KCND3: variants seen among roughly 807,000 people sequenced by gnomAD.
KCND3 encodes the protein A-type voltage-gated potassium channel KCND3.
A neutral mutation model predicts 51.1 loss-of-function variants in KCND3; 9 were observed. The ratio of observed to expected loss-of-function variants is 0.18; its 90% CI spans 0.11 to 0.31. The LOEUF (loss-of-function observed/expected upper bound fraction) is 0.31, where lower values mean the gene tolerates loss of function less well. KCND3 is among the 10% of genes least tolerant of loss of function. The pLI, the probability that KCND3 is intolerant of heterozygous loss-of-function variation, is 1.00. For missense variants in KCND3, 526 were observed against 903.8 expected, an observed-to-expected ratio of 0.58 and a Z score of 5.36; for synonymous variants, 349 against 368.0, an observed-to-expected ratio of 0.95 and a Z score of 0.59.
At chr1:111,853,321 T>G (rs1433362120) in intron 2 of KCND3, among the ~76,000 whole-genome samples, 2 of 152,192 alleles carry the variant, frequency 1.3e-5, no homozygotes, top group Non-Finnish European at 2.9e-5. Context: ...CGTTCTGGTG[T>G]GAGGATTAAA....
At chr1:111,877,596 C>T (rs377368313) in intron 2 of KCND3, among the ~76,000 whole-genome samples, 4 of 152,010 alleles carry the variant, frequency 2.6e-5, no homozygotes, top group African/African-American at 9.7e-5. Flanking sequence ...GGTTCTATCT[C>T]GTGCCACAAG....
At chr1:111,851,492 C>T (rs1045395663) in intron 2 of KCND3, among the ~76,000 whole-genome samples, 1 of 152,164 alleles carries the variant, frequency 6.6e-6, no homozygotes, top group Non-Finnish European at 1.5e-5. Context: ...CTCCCTTCTG[C>T]CCCAAAACTC....
Position 111,771,155 on chromosome 1 carries a change from T to C in KCND3, c.*4922A>G, listed in dbSNP as rs1663896843. On this transcript the variant is annotated 3_prime_UTR_variant, in exon 8 of 8. Transcript: ENST00000302127. ...TAGTTGAGTAACCTGCTAAGATAAATGTCATTCCCACACTTGAGAAAAAAC... is the reference window on the plus strand; with the variant it reads ...TAGTTGAGTAACCTGCTAAGATAAACGTCATTCCCACACTTGAGAAAAAAC... 6.6e-6 allele frequency: 1 copy of C among 152,152 alleles called. No homozygotes were observed. Among genetic ancestry groups the C allele is most frequent in the South Asian group, 2.1e-4 (1 of 4,832 alleles). The allele number at this position is 152,152 out of a possible 1,614,324, so 9.4% of individuals were successfully genotyped here. A position where few individuals can be genotyped will look rare whatever the true frequency, so the allele number is the denominator to read the frequency against.
chr1:111,798,326 C>T (rs1665149400), intron 2 of KCND3, among the ~76,000 whole-genome samples: 1 of 152,180 alleles, frequency 6.6e-6, no homozygotes, highest in East Asian at 1.9e-4. Flanking sequence ...AACTCAGACT[C>T]ATCTTTCCAG....
Position 111,774,586 on chromosome 1 carries a change from C to G in KCND3, c.*1491G>C, listed in dbSNP as rs1373232011. Reference sequence around the variant, plus strand: ...GCACAGAGGTGATGAGGCTTCTCCCCCATTTCAGCATCTTCAGGGAGATCA... The same window carrying G: ...GCACAGAGGTGATGAGGCTTCTCCCGCATTTCAGCATCTTCAGGGAGATCA... On this transcript the variant is annotated 3_prime_UTR_variant, in exon 8 of 8. Coordinates refer to ENST00000302127, the MANE Select transcript of KCND3 (RefSeq NM_001378969.1). The G allele has an allele frequency of 6.6e-6, 1 of 152,276 alleles. No individual in the cohort carries two copies. The highest frequency in any genetic ancestry group is 1.5e-5 in the Non-Finnish European group (1 of 68,066). The allele number at this position is 152,276 out of a possible 1,614,324, so 9.4% of individuals were successfully genotyped here. A position where few individuals can be genotyped will look rare whatever the true frequency, so the allele number is the denominator to read the frequency against.
intron 2 of KCND3, among the ~76,000 whole-genome samples, chr1:111,858,694 C>G (rs74109710): frequency 0.025 from 3,815 of 152,182 alleles, 170 homozygotes; most frequent in African/African-American, 0.087. Context: ...ACTGAAAGTC[C>G]CCCATCCCAG....
rs1382254175 is a variant in KCND3, at chr1:111,981,465, G to A, written c.1106+156C>T. On this transcript the variant is annotated intron_variant, in intron 2 of 7. Coordinates refer to ENST00000302127, the MANE Select transcript of KCND3 (RefSeq NM_001378969.1). This position sits in a 1 kb window ranked among gnomAD's most constrained non-coding sequence, Gnocchi z 6.2. ...ACCACCCCCAAACAGATGACTCATG[G>A]GCTTTACCCTTCGGATAGAGCAACT... is the stretch of plus-strand genomic sequence containing the variant. Among the ~76,000 whole-genome samples, 7 of 152,092 alleles carry A rather than the reference G, an allele frequency of 4.6e-5. No individual in the cohort carries two copies. Among genetic ancestry groups the A allele is most frequent in the Admixed American group, 4.6e-4 (7 of 15,272 alleles).
At chr1:111,812,115 C>T (rs540342978) in intron 2 of KCND3, among the ~76,000 whole-genome samples, 12 of 152,104 alleles carry the variant, frequency 7.9e-5, no homozygotes, top group African/African-American at 2.2e-4. Flanking sequence ...GTGTCGGGCA[C>T]GGTGCCTGGT....
chr1:111,953,340 C>T (rs540910718), intron 2 of KCND3, among the ~76,000 whole-genome samples: 19 of 152,114 alleles, frequency 1.2e-4, no homozygotes, highest in Non-Finnish European at 2.9e-5. Context: ...TCAGGTCAAG[C>T]CAAGAGTGAG....
intron 2 of KCND3, among the ~76,000 whole-genome samples, chr1:111,953,726 T>C (rs1673175502): frequency 6.6e-6 from 1 of 152,194 alleles, no homozygotes. Flanking sequence ...GAGCCAGCTT[T>C]ACATATATTC....
At chr1:111,984,098 G>T (rs1400958930) in intron 1 of KCND3, among the ~76,000 whole-genome samples, 5 of 152,196 alleles carry the variant, frequency 3.3e-5, no homozygotes, top group African/African-American at 1.2e-4. Context: ...AATTATTTGG[G>T]CCCTCTGGAA....
chr1:111,850,856 G>A (rs1667782883), intron 2 of KCND3, among the ~76,000 whole-genome samples: 1 of 152,188 alleles, frequency 6.6e-6, no homozygotes, highest in Admixed American at 6.5e-5. Context: ...AACCACAACT[G>A]CGAAGATGGA....
At chr1:111,925,263 G>A (rs566651183) in intron 2 of KCND3, among the ~76,000 whole-genome samples, 4 of 152,352 alleles carry the variant, frequency 2.6e-5, no homozygotes, top group African/African-American at 9.6e-5. Flanking sequence ...TTTGCTGTAC[G>A]TGGGTTAACT....
rs557414513 is a variant in KCND3, at chr1:111,955,916, C to T, written c.1106+25705G>A. On this transcript the variant is annotated intron_variant, in intron 2 of 7. Transcript: ENST00000302127. Reference sequence around the variant, plus strand: ...GGGAACTAATAAGTAGTAGTTGTAGCGGCAGTAACAGCAACTAGCACTTAT... The same window carrying T: ...GGGAACTAATAAGTAGTAGTTGTAGTGGCAGTAACAGCAACTAGCACTTAT... 5.9e-5 allele frequency among the ~76,000 whole-genome samples: 9 copies of T among 152,264 alleles called. No individual in the cohort carries two copies. In the East Asian group the frequency reaches 1.4e-3, roughly 23 times the overall value.
At chr1:111,933,741 T>G (rs753035373) in intron 2 of KCND3, among the ~76,000 whole-genome samples, 120 of 152,262 alleles carry the variant, frequency 7.9e-4, no homozygotes, top group Non-Finnish European at 1.0e-3. Context: ...TTTCCATAAT[T>G]AAACCCACAG....
At chr1:111,786,123 C>T (rs564159941) in intron 3 of KCND3, among the ~76,000 whole-genome samples, 1 of 152,344 alleles carries the variant, frequency 6.6e-6, no homozygotes, top group Non-Finnish European at 1.5e-5. Flanking sequence ...ACACAGATAT[C>T]CCTCTTCTGA....
intron 2 of KCND3, among the ~76,000 whole-genome samples, chr1:111,980,025 G>A (rs981417486): frequency 4.6e-5 from 7 of 152,128 alleles, no homozygotes; most frequent in African/African-American, 1.7e-4. Context: ...GTGAAGGGAT[G>A]GCTAGGGTCA....
chr1:111,864,012 G>T (rs954612228), intron 2 of KCND3, among the ~76,000 whole-genome samples: 1 of 152,152 alleles, frequency 6.6e-6, no homozygotes, highest in Non-Finnish European at 1.5e-5. Context: ...CTTGGAGCTT[G>T]CCTTGGATGA....
chr1:111,869,207 T>G (rs145366856), intron 2 of KCND3, among the ~76,000 whole-genome samples: 176 of 152,266 alleles, frequency 1.2e-3, no homozygotes, highest in African/African-American at 4.1e-3. Flanking sequence ...AAAGTTTGCT[T>G]TATCGATTTC....
Sources: allele counts gnomAD v4.1 joint callset (sites outside exome capture counted in the v4.1 genomes callset), GRCh38; gene constraint gnomAD v4.1.1; non-coding constraint Gnocchi (gnomAD v3.1); transcripts MANE v1.5; gene names NCBI Gene and HGNC (gene_info 2026-07-23, HGNC 2026-07-21).